WDPCP: variants seen among roughly 807,000 people sequenced by gnomAD.
WDPCP encodes the protein WD repeat-containing and planar cell polarity effector protein fritz homolog.
In WDPCP, 71 loss-of-function variants were observed where a neutral mutation model predicts 93.1. The ratio of observed to expected loss-of-function variants is 0.76; its 90% confidence interval spans 0.63 to 0.93. The LOEUF (loss-of-function observed/expected upper bound fraction) is 0.93. WDPCP is among the 40% of genes least tolerant of loss of function. The probability of loss-of-function intolerance (pLI) is 0.00; values close to 1 mark genes in which losing one functional copy is unlikely to be tolerated. For missense variants in WDPCP, 844 were observed against 887.4 expected, an observed-to-expected ratio of 0.95 and a Z score of 0.62; for synonymous variants, 315 against 315.0, an observed-to-expected ratio of 1.00 and a Z score of 0.00.
At chr2:63,530,954 CA>C (rs1345782336) in intron 1 of WDPCP, among the ~76,000 whole-genome samples, 2 of 152,222 alleles carry the variant, frequency 1.3e-5, no homozygotes, top group Non-Finnish European at 2.9e-5. Context: ...GAAGCAGTAA[CA>C]GACAGTACAT....
chr2:63,404,365 A>G lies in WDPCP; in HGVS notation c.1118T>C (p.Leu373Ser). The G allele has an allele frequency of 2.5e-6, 4 of 1,614,196 alleles. No homozygotes were observed. Among genetic ancestry groups the G allele is most frequent in the Non-Finnish European group, 3.4e-6 (4 of 1,180,022 alleles). ...TGAAGGCAAAAGTTCAGTCTGTGCTAAGAGAGTCACTCTACGGTGAGTTTC... is the reference window on the plus strand; with the variant it reads ...TGAAGGCAAAAGTTCAGTCTGTGCTGAGAGAGTCACTCTACGGTGAGTTTC... ...LYETHRRVTL[L>S]AQTELLPSLI... Residue 373 changes from leucine (L) to serine (S), a missense_variant, in exon 10 of 18, where the codon TTA (leucine) becomes TCA (serine). By Grantham distance (145) the Leu-to-Ser change is moderately radical. Transcript: ENST00000272321.
At chr2:63,283,807 A>G (rs1173962594) in intron 13 of WDPCP, among the ~76,000 whole-genome samples, 1 of 152,202 alleles carries the variant, frequency 6.6e-6, no homozygotes, top group Non-Finnish European at 1.5e-5. Context: ...AAACAGTGCT[A>G]GGGCAGTGCT....
intron 2 of WDPCP, among the ~76,000 whole-genome samples, chr2:63,688,622 A>T (rs920024995): frequency 1.4e-4 from 21 of 152,082 alleles, no homozygotes; most frequent in Non-Finnish European, 2.9e-5. Flanking sequence ...AAATAACTAA[A>T]AGAGTGTAAT....
chr2:63,283,019 A>T (rs1196466046), intron 13 of WDPCP, among the ~76,000 whole-genome samples: 1 of 151,716 alleles, frequency 6.6e-6, no homozygotes, highest in African/African-American at 2.4e-5. Flanking sequence ...ATTTCGTGGA[A>T]TTTTTTTTTC....
At chr2:63,526,975 C>A (rs903939002) in intron 1 of WDPCP, among the ~76,000 whole-genome samples, 1 of 152,152 alleles carries the variant, frequency 6.6e-6, no homozygotes, top group Non-Finnish European at 1.5e-5. Context: ...AAAGAACACA[C>A]AGCCAATGAA....
intron 3 of WDPCP, among the ~76,000 whole-genome samples, chr2:63,626,604 T>C (rs1276468465): frequency 6.6e-6 from 1 of 152,088 alleles, no homozygotes; most frequent in African/African-American, 2.4e-5. Context: ...ATTAGAGAAA[T>C]GCAAATCAAA....
At chr2:63,834,259 C>G in the WDPCP span, among the ~76,000 whole-genome samples, 1 of 152,300 alleles carries the variant, frequency 6.6e-6, no homozygotes, top group Non-Finnish European at 1.5e-5. Flanking sequence ...CAATAAATTT[C>G]TATTACCCAA....
chr2:63,231,629 T>G (rs952492923), intron 14 of WDPCP, among the ~76,000 whole-genome samples: 1 of 152,142 alleles, frequency 6.6e-6, no homozygotes, highest in African/African-American at 2.4e-5. Flanking sequence ...ACAAGGGATG[T>G]GAAGGACCTC....
intron 3 of WDPCP, among the ~76,000 whole-genome samples, chr2:63,598,600 A>G (rs1032312809): frequency 7.2e-5 from 11 of 152,346 alleles, no homozygotes; most frequent in African/African-American, 2.4e-4. Context: ...TGTTCTATCA[A>G]TAACATTTCA....
intron 14 of WDPCP, among the ~76,000 whole-genome samples, chr2:63,209,590 G>T (rs567880958): frequency 2.0e-5 from 3 of 152,308 alleles, no homozygotes; most frequent in African/African-American, 7.2e-5. Context: ...ATAAGAATAT[G>T]TTGTCACTAA....
intron 1 of WDPCP, among the ~76,000 whole-genome samples, chr2:63,551,475 T>C (rs1209783549): frequency 2.6e-5 from 4 of 152,120 alleles, no homozygotes; most frequent in Non-Finnish European, 5.9e-5. Flanking sequence ...TGCCATGTGA[T>C]ACAATGACAA....
intron 2 of WDPCP, among the ~76,000 whole-genome samples, chr2:63,791,861 C>T (rs1483670591): frequency 1.3e-5 from 2 of 152,080 alleles, no homozygotes; most frequent in Non-Finnish European, 1.5e-5. Flanking sequence ...GATAATGATT[C>T]CTATTCACAT....
intron 6 of WDPCP, 108 bp downstream of exon 6, chr2:63,484,496 G>T: frequency 7.9e-7 from 1 of 1,264,078 alleles, no homozygotes; most frequent in Non-Finnish European, 1.1e-6. Context: ...AATAACCACT[G>T]CTAAAAAAGT....
chr2:63,382,451 C>A (rs3768677), intron 10 of WDPCP, among the ~76,000 whole-genome samples: 85,525 of 151,642 alleles, frequency 0.56, 24,454 homozygotes, highest in Admixed American at 0.64. Context: ...GCAAAAAAAA[C>A]CAAGGTTTTT....
intron 9 of WDPCP, among the ~76,000 whole-genome samples, chr2:63,427,649 A>G (rs573964834): frequency 6.6e-6 from 1 of 152,196 alleles, no homozygotes; most frequent in Non-Finnish European, 1.5e-5. Flanking sequence ...TCAAATTAAC[A>G]ATCTAACATT....
intron 14 of WDPCP, among the ~76,000 whole-genome samples, chr2:63,240,138 T>C (rs1679749871): frequency 6.6e-6 from 1 of 152,136 alleles, no homozygotes; most frequent in Non-Finnish European, 1.5e-5. Flanking sequence ...TAGTCTTTAC[T>C]AGTTTAGCCA....
chr2:63,341,283 C>G (rs1293378638), intron 12 of WDPCP, among the ~76,000 whole-genome samples: 1 of 152,172 alleles, frequency 6.6e-6, no homozygotes, highest in Non-Finnish European at 1.5e-5. Context: ...AGCGCACCAC[C>G]ATGCCCAGCT....
chr2:63,388,482 G>A (rs188590905), intron 10 of WDPCP, among the ~76,000 whole-genome samples: 16 of 152,274 alleles, frequency 1.1e-4, no homozygotes, highest in Admixed American at 5.9e-4. Flanking sequence ...AAACCAGAGC[G>A]CCTCTTCTCC....
chr2:63,520,385 G>T (rs1702837649), intron 1 of WDPCP, among the ~76,000 whole-genome samples: 1 of 152,052 alleles, frequency 6.6e-6, no homozygotes, highest in Non-Finnish European at 1.5e-5. Flanking sequence ...AAAATGCACA[G>T]AACTCCTGCA....
Sources: allele counts gnomAD v4.1 joint callset (sites outside exome capture counted in the v4.1 genomes callset), GRCh38; gene constraint gnomAD v4.1.1; transcripts MANE v1.5; gene names NCBI Gene and HGNC (gene_info 2026-07-23, HGNC 2026-07-21).